Variants in PLCH1 observed in about 807,000 individuals in gnomAD.
The protein encoded by PLCH1 is 1-phosphatidylinositol 4,5-bisphosphate phosphodiesterase eta-1.
PLCH1 carries 60 observed loss-of-function variants against 126.7 expected under a neutral mutation model. The ratio of observed to expected loss-of-function variants is 0.47; its 90% CI spans 0.38 to 0.59. PLCH1 has a LOEUF of 0.59. Among genes scored for constraint, PLCH1 ranks in the 20% least tolerant of loss-of-function variants. The probability of loss-of-function intolerance (pLI) is 0.00; values close to 1 mark genes in which losing one functional copy is unlikely to be tolerated. For synonymous variants in PLCH1, 719 were observed against 734.9 expected, an observed-to-expected ratio of 0.98 and a Z score of 0.35; for missense variants, 1,723 against 2,040.0, an observed-to-expected ratio of 0.84 and a Z score of 2.99.
chr3:155,736,341 C>T (rs1039787066), intron 1 of PLCH1, among the ~76,000 whole-genome samples: 1 of 152,164 alleles, frequency 6.6e-6, no homozygotes, highest in Non-Finnish European at 1.5e-5. Flanking sequence ...TAGAGTAGAA[C>T]ATTTGTGTAC....
chr3:155,571,393 T>C (rs1465251767), intron 6 of PLCH1, among the ~76,000 whole-genome samples: 1 of 152,248 alleles, frequency 6.6e-6, no homozygotes, highest in Non-Finnish European at 1.5e-5. Flanking sequence ...TATTTCTAGA[T>C]ATTTCTTTTG....
At chr3:155,535,091 T>G (rs1355323140) in intron 10 of PLCH1, among the ~76,000 whole-genome samples, 1 of 152,088 alleles carries the variant, frequency 6.6e-6, no homozygotes, top group Non-Finnish European at 1.5e-5. Flanking sequence ...AATATAAAGG[T>G]AGAAGAAACA....
At chr3:155,650,866 C>A (rs185639637) in intron 2 of PLCH1, among the ~76,000 whole-genome samples, 32 of 152,150 alleles carry the variant, frequency 2.1e-4, no homozygotes, top group Admixed American at 1.9e-3. Context: ...GGCAAAACCC[C>A]ATCTCTACTA....
intron 6 of PLCH1, among the ~76,000 whole-genome samples, chr3:155,581,024 T>C (rs952194428): frequency 2.0e-5 from 3 of 152,218 alleles, no homozygotes; most frequent in African/African-American, 7.2e-5. Context: ...CACCCACCCA[T>C]ATTTCAATCT....
rs1716256218 is a variant in PLCH1, at chr3:155,491,827, TA to T, written c.2307+901del. Among the ~76,000 whole-genome samples the T allele has an allele frequency of 2.6e-5, 4 of 152,226 alleles. No individual in the cohort carries two copies. In the South Asian group the frequency reaches 8.3e-4, roughly 32 times the overall value. On this transcript the variant is annotated intron_variant, in intron 18 of 22. Transcript: ENST00000460012. ...ATACTCTGCCTTGATCTGGGTGGCA[TA>T]ATAATTAATCAAGCTATGCATGTTT... is the stretch of plus-strand genomic sequence containing the variant.
chr3:155,596,076 G>A (rs1732943897), intron 3 of PLCH1, among the ~76,000 whole-genome samples, 156 bp downstream of exon 3: 2 of 152,074 alleles, frequency 1.3e-5, no homozygotes, highest in Non-Finnish European at 2.9e-5. Context: ...ATTCCCCAAA[G>A]ATGGTCATTA....
At chr3:155,471,603 C>A (rs1713252070) in intron 21 of PLCH1, among the ~76,000 whole-genome samples, 1 of 147,032 alleles carries the variant, frequency 6.8e-6, no homozygotes, top group Non-Finnish European at 1.5e-5. Context: ...GAACTCTCCA[C>A]CCCAAATCAA....
At chr3:155,521,214 A>T (rs540584030) in intron 11 of PLCH1, among the ~76,000 whole-genome samples, 1 of 152,272 alleles carries the variant, frequency 6.6e-6, no homozygotes, top group East Asian at 1.9e-4. Context: ...TTTTTCCTTT[A>T]GCACTGATCA....
chr3:155,691,666 T>C (rs1219794993), intron 2 of PLCH1, among the ~76,000 whole-genome samples: 1 of 152,174 alleles, frequency 6.6e-6, no homozygotes, highest in East Asian at 1.9e-4. Flanking sequence ...TTTTCCAAAG[T>C]AGACAAATAA....
intron 2 of PLCH1, among the ~76,000 whole-genome samples, chr3:155,684,309 T>C (rs113463475): frequency 0.011 from 1,636 of 152,226 alleles, 31 homozygotes; most frequent in African/African-American, 0.038. Flanking sequence ...TTCTAGATTA[T>C]TGAACACAAC....
intron 2 of PLCH1, among the ~76,000 whole-genome samples, chr3:155,656,233 T>C (rs1480975909): frequency 1.3e-5 from 2 of 151,244 alleles, no homozygotes; most frequent in African/African-American, 4.8e-5. Flanking sequence ...TGGGTGAAAT[T>C]CTACCAAAGC....
At chr3:155,675,106 G>T (rs1354412292) in intron 2 of PLCH1, among the ~76,000 whole-genome samples, 1 of 152,066 alleles carries the variant, frequency 6.6e-6, no homozygotes, top group East Asian at 1.9e-4. Context: ...TTTATGTTTT[G>T]AATAAAAAGC....
chr3:155,657,845 GTAAGTCAAGGTGAAAAAGGC>G (rs1244815666), intron 2 of PLCH1: 1 of 152,188 alleles, frequency 6.6e-6, no homozygotes, highest in African/African-American at 2.4e-5. Flanking sequence ...GTGAAAAAGG[GTAAGTCAAGGTGAAAAAGGC>G]TAAGTCAAGG....
intron 8 of PLCH1, among the ~76,000 whole-genome samples, chr3:155,559,877 T>A (rs540540395): frequency 6.6e-6 from 1 of 152,262 alleles, no homozygotes; most frequent in African/African-American, 2.4e-5. Context: ...ATTTTAGAAT[T>A]AAAAGACTAC....
chr3:155,522,602 C>T (rs948459752), intron 11 of PLCH1, among the ~76,000 whole-genome samples: 1 of 152,078 alleles, frequency 6.6e-6, no homozygotes, highest in Non-Finnish European at 1.5e-5. Context: ...TTCACAACTA[C>T]AGGAAAGCCA....
chr3:155,667,779 C>T (rs13070022), intron 2 of PLCH1, among the ~76,000 whole-genome samples: 10,795 of 151,554 alleles, frequency 0.071, 423 homozygotes, highest in Middle Eastern at 0.11. Context: ...AAAAGAGTCA[C>T]GTTGGCCAAG....
At chr3:155,681,330 T>A (rs1258482843) in intron 2 of PLCH1, among the ~76,000 whole-genome samples, 1 of 152,224 alleles carries the variant, frequency 6.6e-6, no homozygotes, top group Non-Finnish European at 1.5e-5. Flanking sequence ...CCAGATACTG[T>A]TCCTAGCATT....
At chr3:155,575,251 T>C (rs1488925195) in intron 6 of PLCH1, among the ~76,000 whole-genome samples, 1 of 152,156 alleles carries the variant, frequency 6.6e-6, no homozygotes, top group Non-Finnish European at 1.5e-5. Flanking sequence ...CAGAATGGGA[T>C]AGTTACAAGC....
chr3:155,607,424 CT>C (rs1358669713), intron 2 of PLCH1, among the ~76,000 whole-genome samples: 1 of 151,844 alleles, frequency 6.6e-6, no homozygotes, highest in African/African-American at 2.4e-5. Context: ...TTATAGTAAT[CT>C]TTGGTAAATA....
Sources: gnomAD v4.1 joint callset for allele counts (sites outside exome capture counted in the v4.1 genomes callset) on GRCh38, gnomAD v4.1.1 for gene constraint, MANE v1.5 for transcripts, NCBI Gene and HGNC (gene_info 2026-07-23, HGNC 2026-07-21) for gene names.